Variants in DPYD observed in about 807,000 individuals in gnomAD.
DPYD encodes dihydropyrimidine dehydrogenase, also known as dihydropyrimidine dehydrogenase [NADP(+)].
DPYD carries 109 observed loss-of-function variants against 116.2 expected under a neutral mutation model. That is an observed-to-expected ratio of 0.94 (90% CI 0.80 to 1.10). The LOEUF (loss-of-function observed/expected upper bound fraction) is 1.10, where lower values mean the gene tolerates loss of function less well. Ranked by LOEUF, DPYD falls within the 50% of genes least tolerant of loss-of-function variation. The probability of loss-of-function intolerance (pLI) is 0.00; values close to 1 mark genes in which losing one functional copy is unlikely to be tolerated. For missense variants in DPYD, 1,302 were observed against 1,254.5 expected (o/e 1.04, Z -0.57); for synonymous variants, 440 against 432.0 (o/e 1.02, Z -0.23).
At chr1:97,482,133 A>C (rs531821776) in intron 13 of DPYD, among the ~76,000 whole-genome samples, 2 of 152,308 alleles carry the variant, frequency 1.3e-5, no homozygotes, top group Admixed American at 1.3e-4. Context: ...GCTGGTATTG[A>C]AAGAGGAGTC....
rs112544062 is a variant in DPYD, at chr1:97,422,230, G to A, written c.1905+27829C>T. On this transcript the variant is annotated intron_variant, in intron 14 of 22. Transcript: ENST00000370192. ...AATATTTGAATATGGAATTATTTAC[G>A]TTTTAGAAAATGTGCATTTCAAATA... 2.6e-3 allele frequency among the ~76,000 whole-genome samples: 400 copies of A among 152,146 alleles called. 1 individual carries two copies. The highest frequency in any genetic ancestry group is 9.3e-3 in the African/African-American group (385 of 41,518).
intron 16 of DPYD, among the ~76,000 whole-genome samples, chr1:97,334,324 A>C (rs966908943): frequency 6.6e-6 from 1 of 152,194 alleles, no homozygotes; most frequent in African/African-American, 2.4e-5. Context: ...ATGCCTAAAA[A>C]CTTAAGACTT....
intron 8 of DPYD, among the ~76,000 whole-genome samples, chr1:97,628,150 C>T (rs1160380596): frequency 6.6e-6 from 1 of 152,010 alleles, no homozygotes; most frequent in Non-Finnish European, 1.5e-5. Context: ...GGACCAAATC[C>T]TCCTCTGATA....
intron 8 of DPYD, among the ~76,000 whole-genome samples, chr1:97,657,932 C>T (rs1207521274): frequency 6.6e-6 from 1 of 152,042 alleles, no homozygotes; most frequent in Non-Finnish European, 1.5e-5. Context: ...GCAGCTTTTG[C>T]GTTTGAATTT....
intron 18 of DPYD, among the ~76,000 whole-genome samples, chr1:97,248,223 T>C (rs1033718937): frequency 3.9e-5 from 6 of 152,226 alleles, no homozygotes; most frequent in African/African-American, 1.4e-4. Context: ...TCATCTTGAA[T>C]TGTTAACTCC....
At chr1:97,738,423 T>A (rs922080408) in intron 4 of DPYD, among the ~76,000 whole-genome samples, 1 of 151,998 alleles carries the variant, frequency 6.6e-6, no homozygotes, top group African/African-American at 2.4e-5. Flanking sequence ...TGGCCTAAAC[T>A]CCACTGAATC....
At chr1:97,539,404 T>C (rs1175329715) in intron 12 of DPYD, among the ~76,000 whole-genome samples, 1 of 152,180 alleles carries the variant, frequency 6.6e-6, no homozygotes, top group East Asian at 1.9e-4. Flanking sequence ...TGGTGCTCTA[T>C]ACAAATTATT....
chr1:97,697,676 T>C (rs1053415745), intron 6 of DPYD, among the ~76,000 whole-genome samples: 1 of 151,974 alleles, frequency 6.6e-6, no homozygotes. Flanking sequence ...GAGAACTCTG[T>C]CTCACTAAAA....
intron 11 of DPYD, among the ~76,000 whole-genome samples, chr1:97,560,260 C>T (rs758081588): frequency 1.3e-5 from 2 of 151,986 alleles, no homozygotes; most frequent in African/African-American, 2.4e-5. Context: ...CTCAGAGTTA[C>T]GTGAGAATCA....
chr1:97,296,078 A>G (rs990317096), intron 18 of DPYD: 6 of 152,202 alleles, frequency 3.9e-5, no homozygotes, highest in African/African-American at 1.4e-4. Flanking sequence ...TTTCGAAAAA[A>G]AGCATATTTT....
At chr1:97,720,755 T>C in intron 5 of DPYD, 3 of 1,453,122 alleles carry the variant, frequency 2.1e-6, no homozygotes, top group Non-Finnish European at 2.7e-6. Context: ...CCAACTAGTC[T>C]CCAAAGATTA....
At chr1:97,386,931 G>A (rs950561661) in intron 14 of DPYD, among the ~76,000 whole-genome samples, 24 of 151,688 alleles carry the variant, frequency 1.6e-4, no homozygotes, top group Non-Finnish European at 3.2e-4. Context: ...GCTGTACTCC[G>A]TTTTTAATCA....
chr1:97,481,382 T>C (rs1315703137), intron 13 of DPYD, among the ~76,000 whole-genome samples: 1 of 152,210 alleles, frequency 6.6e-6, no homozygotes, highest in East Asian at 1.9e-4. Context: ...CTTTTGGAAA[T>C]TTATCTTCAG....
chr1:97,503,573 AC>A (rs1333826545), intron 13 of DPYD, among the ~76,000 whole-genome samples: 1 of 151,862 alleles, frequency 6.6e-6, no homozygotes, highest in East Asian at 1.9e-4. Flanking sequence ...TGATGCTCCT[AC>A]TCAACCTTTC....
chr1:97,180,267 C>A (rs1410079117), intron 20 of DPYD, among the ~76,000 whole-genome samples: 1 of 152,014 alleles, frequency 6.6e-6, no homozygotes, highest in Non-Finnish European at 1.5e-5. Context: ...AAAATGACTC[C>A]TTTGTCTCCT....
intron 10 of DPYD, among the ~76,000 whole-genome samples, chr1:97,589,031 G>A (rs1654333789): frequency 6.6e-6 from 1 of 152,116 alleles, no homozygotes; most frequent in South Asian, 2.1e-4. Context: ...ACCCACCCCA[G>A]ACTTACTGAA....
At chr1:97,304,004 A>G (rs914409515) in intron 18 of DPYD, among the ~76,000 whole-genome samples, 2 of 152,044 alleles carry the variant, frequency 1.3e-5, no homozygotes, top group Non-Finnish European at 2.9e-5. Context: ...AGACTGAGTT[A>G]TAGTATGGGA....
intron 16 of DPYD, among the ~76,000 whole-genome samples, chr1:97,311,158 G>T (rs1364516154): frequency 1.3e-5 from 2 of 151,506 alleles, no homozygotes; most frequent in Non-Finnish European, 3.0e-5. Flanking sequence ...TTCTTTAAAG[G>T]AAAACTATTG....
rs539397073 is a variant in DPYD, at chr1:97,255,705, G to A, written c.2300-20711C>T. ...CAGAGGGGTAGGTATTTTTATTTTT[G>A]CCGTTTTTTTTTTTCAGATGGGAAA... On this transcript the variant is annotated intron_variant, in intron 18 of 22. Transcript: ENST00000370192. Among the ~76,000 whole-genome samples the A allele has an allele frequency of 5.5e-4, 38 of 69,220 alleles. No individual in the cohort carries two copies. The South Asian group carries it at 0.023, about 42-fold the overall frequency. The allele number at this position is 69,220 out of a possible 152,430, so 45.4% of individuals were successfully genotyped here. A position where few individuals can be genotyped will look rare whatever the true frequency, so the allele number is the denominator to read the frequency against.
Sources: allele counts gnomAD v4.1 joint callset (sites outside exome capture counted in the v4.1 genomes callset), GRCh38; gene constraint gnomAD v4.1.1; transcripts MANE v1.5; gene names NCBI Gene and HGNC (gene_info 2026-07-23, HGNC 2026-07-21).